Variants in TIAM1 observed in about 807,000 individuals in gnomAD.
TIAM1 encodes the protein TIAM Rac1 associated GEF 1.
Under a neutral mutation model 163.5 loss-of-function variants are expected in TIAM1, and 65 were observed. That is an observed-to-expected ratio of 0.40 (90% CI 0.33 to 0.49). The LOEUF (loss-of-function observed/expected upper bound fraction) is 0.49. Ranked by LOEUF, TIAM1 falls within the 20% of genes least tolerant of loss-of-function variation. The pLI, the probability that TIAM1 is intolerant of heterozygous loss-of-function variation, is 0.77. For missense variants in TIAM1, 1,789 were observed against 2,044.7 expected, an observed-to-expected ratio of 0.87 and a Z score of 2.41; for synonymous variants, 833 against 810.1, an observed-to-expected ratio of 1.03 and a Z score of -0.48.
intron 2 of TIAM1, among the ~76,000 whole-genome samples, chr21:31,314,916 G>A (rs746190353): frequency 1.1e-4 from 16 of 152,106 alleles, no homozygotes; most frequent in South Asian, 4.1e-4. Context: ...GTGCAGGGAC[G>A]TACCTGCATT....
At chr21:31,358,665 T>C (rs1280536098) in intron 2 of TIAM1, among the ~76,000 whole-genome samples, 5 of 152,198 alleles carry the variant, frequency 3.3e-5, no homozygotes, top group Admixed American at 6.5e-5. Flanking sequence ...TCTCCAAATA[T>C]GTGCCAATCC....
chr21:31,363,905 G>A (rs2076453285), intron 2 of TIAM1, among the ~76,000 whole-genome samples: 1 of 152,016 alleles, frequency 6.6e-6, no homozygotes, highest in South Asian at 2.1e-4. Flanking sequence ...AAGGGGGAGG[G>A]GGTTCTTCCT....
At chr21:31,469,918 A>C (rs1051802704) in intron 1 of TIAM1, among the ~76,000 whole-genome samples, 1 of 152,010 alleles carries the variant, frequency 6.6e-6, no homozygotes, top group Non-Finnish European at 1.5e-5. Flanking sequence ...TTTTTAAGCT[A>C]GATTTCCAGG....
At chr21:31,121,338 T>G (rs907358699) in intron 27 of TIAM1, among the ~76,000 whole-genome samples, 1 of 152,134 alleles carries the variant, frequency 6.6e-6, no homozygotes, top group African/African-American at 2.4e-5. Flanking sequence ...TGGGGGTGCA[T>G]CTATGGTTTT....
Position 31,146,980 on chromosome 21 carries a change from T to TC in TIAM1, c.3389dup (p.Ser1131IlefsTer7). ...AGCGGTCAGCATAATACAGGAATGA[T>TC]CCCCCCAGAGAGAACAGCACTTTCT... On this transcript the variant is annotated frameshift_variant, in exon 20 of 28. Transcript: ENST00000541036. LOFTEE classifies it high-confidence loss of function. 6.2e-7 allele frequency: 1 copy of TC among 1,613,668 alleles called. No homozygotes were observed. The highest frequency in any genetic ancestry group is 8.5e-7 in the Non-Finnish European group (1 of 1,179,818).
chr21:31,552,492 C>G (rs557411721), intron 1 of TIAM1, among the ~76,000 whole-genome samples: 1 of 152,170 alleles, frequency 6.6e-6, no homozygotes, highest in African/African-American at 2.4e-5. Flanking sequence ...AAGAAACCTC[C>G]GCCAGGCGCG....
At chr21:31,296,849 G>C (rs2074289675) in intron 2 of TIAM1, among the ~76,000 whole-genome samples, 1 of 152,162 alleles carries the variant, frequency 6.6e-6, no homozygotes, top group South Asian at 2.1e-4. Context: ...ATTTTTAGTA[G>C]AGATGGGGTT....
chr21:31,261,483 G>A (rs1435437164), intron 4 of TIAM1, among the ~76,000 whole-genome samples: 2 of 152,044 alleles, frequency 1.3e-5, no homozygotes, highest in African/African-American at 2.4e-5. Context: ...AGGCTGAGGC[G>A]GGAAGATCAC....
chr21:31,480,359 G>A (rs1238098369), intron 1 of TIAM1, among the ~76,000 whole-genome samples: 2 of 152,168 alleles, frequency 1.3e-5, no homozygotes, highest in African/African-American at 2.4e-5. Context: ...ATGTCACTAT[G>A]AGTTGCATTT....
chr21:31,427,813 A>G (rs1038806764), intron 2 of TIAM1, among the ~76,000 whole-genome samples: 8 of 152,156 alleles, frequency 5.3e-5, no homozygotes, highest in Admixed American at 3.9e-4. Flanking sequence ...CAGCCTGGAC[A>G]ACAGAGCAAT....
chr21:31,210,661 GAAAGA>G (rs2086758805), intron 10 of TIAM1, among the ~76,000 whole-genome samples: 11 of 20,334 alleles, frequency 5.4e-4, no homozygotes, highest in African/African-American at 2.8e-3. Context: ...AAGAAAGAAA[GAAAGA>G]AAAAGAAAGA....
intron 2 of TIAM1, among the ~76,000 whole-genome samples, chr21:31,294,312 A>C (rs1390450375): frequency 6.6e-6 from 1 of 152,204 alleles, no homozygotes; most frequent in Non-Finnish European, 1.5e-5. Context: ...CTCAGGAGGC[A>C]CTCAGCCCCT....
At chr21:31,397,261 G>C (rs937578612) in intron 2 of TIAM1, among the ~76,000 whole-genome samples, 8 of 152,162 alleles carry the variant, frequency 5.3e-5, no homozygotes, top group Non-Finnish European at 1.2e-4. Context: ...ATGCCCGTTT[G>C]TAAGTGTCAT....
At chr21:31,210,578 GAAAGAAAGAAAGAA>G (rs1370753693) in intron 10 of TIAM1, among the ~76,000 whole-genome samples, 24 of 118,104 alleles carry the variant, frequency 2.0e-4, no homozygotes, top group East Asian at 8.7e-4. Context: ...AAGAAAGAAA[GAAAGAAAGAAAGAA>G]AGAGAGAAAG....
At chr21:31,296,569 C>G (rs1227564950) in intron 2 of TIAM1, among the ~76,000 whole-genome samples, 2 of 152,180 alleles carry the variant, frequency 1.3e-5, no homozygotes, top group African/African-American at 4.8e-5. Flanking sequence ...ACTCATGTCT[C>G]TTCTATTTCA....
intron 9 of TIAM1, among the ~76,000 whole-genome samples, chr21:31,215,781 G>A (rs535160680): frequency 1.1e-3 from 165 of 152,172 alleles, no homozygotes; most frequent in Middle Eastern, 6.8e-3. Context: ...GACAAACTGC[G>A]AAACTGCTTC....
intron 2 of TIAM1, among the ~76,000 whole-genome samples, chr21:31,318,046 T>C (rs1454428105): frequency 6.6e-6 from 1 of 152,040 alleles, no homozygotes; most frequent in Admixed American, 6.6e-5. Flanking sequence ...CTTTGCAGAG[T>C]GAGTTAAACA....
chr21:31,152,856 T>A, intron 18 of TIAM1, 95 bp from the exon 19 acceptor site: 2 of 1,501,672 alleles, frequency 1.3e-6, no homozygotes, highest in Non-Finnish European at 1.8e-6. Flanking sequence ...TCAATTCTTA[T>A]CAATTAAGAG....
intron 1 of TIAM1, among the ~76,000 whole-genome samples, chr21:31,553,514 G>C (rs976423914): frequency 2.0e-5 from 3 of 152,176 alleles, no homozygotes; most frequent in Non-Finnish European, 2.9e-5. Context: ...ACTGCCCAAA[G>C]AGTGAGTGGG....
Sources: allele counts gnomAD v4.1 joint callset (sites outside exome capture counted in the v4.1 genomes callset), GRCh38; gene constraint gnomAD v4.1.1; transcripts MANE v1.5; gene names NCBI Gene and HGNC (gene_info 2026-07-23, HGNC 2026-07-21).